The following GANC variants were observed in gnomAD, a reference collection of about 807,000 sequenced individuals.
GANC encodes neutral alpha-glucosidase C.
In GANC, 117 loss-of-function variants were observed where a neutral mutation model predicts 124.2. That is an observed-to-expected ratio of 0.94 (90% CI 0.81 to 1.10). The LOEUF (loss-of-function observed/expected upper bound fraction) is 1.10. Among genes scored for constraint, GANC ranks in the 50% least tolerant of loss-of-function variants. The pLI is 0.00. For synonymous variants in GANC, 377 were observed against 376.8 expected (o/e 1.00, Z -0.01); for missense variants, 1,140 against 1,095.0 (o/e 1.04, Z -0.58).
At chr15:42,278,443 C>G in intron 2 of GANC, 39 bp from the exon 3 acceptor site, 1 of 1,343,222 alleles carries the variant, frequency 7.4e-7, no homozygotes, top group African/African-American at 1.4e-5. Flanking sequence ...CTGACAATCA[C>G]AAATAATTAT....
Position 42,300,360 on chromosome 15 carries a change from A to G in GANC, c.558+2704A>G, listed in dbSNP as rs551504575. On this transcript the variant is annotated intron_variant, in intron 6 of 23. Transcript: ENST00000318010. ...CAACAAACATGAAAAAAAGCTCAAC[A>G]TCACTGATCATCAGAGAAATGCAAA... 1.1e-3 allele frequency among the ~76,000 whole-genome samples: 163 copies of G among 152,360 alleles called. 6 individuals are homozygous for G. The South Asian group carries it at 0.03, about 28-fold the overall frequency.
chr15:42,294,667 A>G (rs2051874353), intron 5 of GANC, among the ~76,000 whole-genome samples: 1 of 150,316 alleles, frequency 6.7e-6, no homozygotes, highest in Admixed American at 6.6e-5. Context: ...ATATTCTTTG[A>G]CTTTTCCTTT....
rs746736958 is a variant in GANC, at chr15:42,327,441, A to G, written c.1499A>G (p.Gln500Arg). 8 of 1,612,332 alleles carry G rather than the reference A, an allele frequency of 5.0e-6. No individual in the cohort carries two copies. The highest frequency in any genetic ancestry group is 4.4e-5 in the South Asian group (4 of 90,884). ...AGTCTTTTTGCTTTCCCTGTTTATC[A>G]GGTTGGTTTTTATTCCTTTGTTCTT... The part of the protein sequence containing the change: ...YSSLFAFPVY[Q>R]GSTDILFLWN... The change falls in exon 13 of 24, where the codon CAG (glutamine) becomes CGG (arginine). Residue 500 changes from glutamine to arginine, a missense_variant and splice_region_variant. Transcript: ENST00000318010.
At chr15:42,329,061 C>G (rs188385230) in intron 13 of GANC, among the ~76,000 whole-genome samples, 1 of 152,282 alleles carries the variant, frequency 6.6e-6, no homozygotes, top group East Asian at 1.9e-4. Flanking sequence ...GGGCAGCATT[C>G]TTTTATTCAG....
chr15:42,315,014 A>G (rs996777124), intron 10 of GANC, among the ~76,000 whole-genome samples: 4 of 152,184 alleles, frequency 2.6e-5, no homozygotes, highest in Non-Finnish European at 5.9e-5. Context: ...ACCTCCAACT[A>G]TTAGGTAATC....
intron 8 of GANC, among the ~76,000 whole-genome samples, chr15:42,309,821 C>A (rs1295769004): frequency 6.6e-6 from 1 of 151,800 alleles, no homozygotes; most frequent in African/African-American, 2.4e-5. Context: ...GAGTTTGAGA[C>A]CAGCCTGGCC....
chr15:42,343,258 A>AT, intron 19 of GANC, 104 bp downstream of exon 19: 7 of 900,722 alleles, frequency 7.8e-6, no homozygotes, highest in Non-Finnish European at 1.2e-5. Context: ...AACACACCCC[A>AT]GATGACTATA....
chr15:42,279,244 A>C (rs1232383570), intron 3 of GANC, among the ~76,000 whole-genome samples: 1 of 152,218 alleles, frequency 6.6e-6, no homozygotes, highest in Non-Finnish European at 1.5e-5. Context: ...CACATTTAGT[A>C]ACCAAAATTT....
At position 42,337,890 on chromosome 15, in the gene GANC, C is replaced by T. The variant is rs1595783041; in HGVS notation, c.1742-499C>T. ...CAGCCTGGCCAACATGGTGAAACCC[C>T]TCTCTGCTAAAAATACAAAATTTAG... On this transcript the variant is annotated intron_variant, in intron 15 of 23. Coordinates refer to ENST00000318010, the MANE Select transcript of GANC (RefSeq NM_198141.3). 3.9e-5 allele frequency among the ~76,000 whole-genome samples: 6 copies of T among 152,152 alleles called. No individual in the cohort carries two copies. The South Asian group carries it at 8.3e-4, about 21-fold the overall frequency.
At chr15:42,288,496 G>C (rs1260093777) in intron 4 of GANC, among the ~76,000 whole-genome samples, 1 of 152,068 alleles carries the variant, frequency 6.6e-6, no homozygotes, top group Non-Finnish European at 1.5e-5. Flanking sequence ...GATTATGCCA[G>C]ATGCTTTCAT....
At chr15:42,288,408 C>T (rs948831826) in intron 4 of GANC, among the ~76,000 whole-genome samples, 2 of 152,266 alleles carry the variant, frequency 1.3e-5, no homozygotes, top group African/African-American at 4.8e-5. Flanking sequence ...TCTCATAACA[C>T]TTTCCAGTGA....
At position 42,340,670 on chromosome 15, in the gene GANC, A is replaced by C; in HGVS notation, c.2088-20A>C. The C allele has an allele frequency of 6.4e-7, 1 of 1,567,822 alleles. No individual in the cohort carries two copies. The highest frequency in any genetic ancestry group is 2.2e-5 in the East Asian group (1 of 44,654). ...AAGATGTCTATAATGTTAAAACAAT[A>C]ATTTTTTTTCTTTCCCCAGGCCTCT... On this transcript the variant is annotated intron_variant, in intron 17 of 23. Coordinates refer to ENST00000318010, the MANE Select transcript of GANC (RefSeq NM_198141.3).
chr15:42,316,819 C>T (rs1303935603), intron 10 of GANC, among the ~76,000 whole-genome samples: 1 of 152,180 alleles, frequency 6.6e-6, no homozygotes, highest in Non-Finnish European at 1.5e-5. Context: ...ACCGCTTGAC[C>T]AAGGAGCCCT....
rs1390252746 is a variant in GANC at position 42,345,794 on chromosome 15, G to T, written c.2266G>T (p.Gly756Ter). Residue 756 changes from glycine to a stop codon, truncating the protein, a stop_gained, in exon 20 of 24, where the codon GGA (glycine) becomes TGA (stop). Transcript: ENST00000318010. LOFTEE classifies it high-confidence loss of function. ...YDYKTFAHWE[G>*]GCTVKIPVAL... ...CTATAAGACATTTGCTCATTGGGAAGGAGGGTGTACTGTAAAGATCCCAGT... is the reference window on the plus strand; with the variant it reads ...CTATAAGACATTTGCTCATTGGGAATGAGGGTGTACTGTAAAGATCCCAGT... The T allele has an allele frequency of 6.2e-7, 1 of 1,612,486 alleles. No individual in the cohort carries two copies. The highest frequency in any genetic ancestry group is 1.1e-5 in the South Asian group (1 of 91,010).
intron 15 of GANC, among the ~76,000 whole-genome samples, chr15:42,334,766 T>C (rs535981272): frequency 3.6e-5 from 4 of 111,706 alleles, no homozygotes; most frequent in African/African-American, 1.2e-4. Flanking sequence ...GAAAAAAAAA[T>C]AATAATAACA....
At chr15:42,300,802 T>G (rs1045181518) in intron 6 of GANC, among the ~76,000 whole-genome samples, 6 of 152,120 alleles carry the variant, frequency 3.9e-5, no homozygotes, top group Non-Finnish European at 7.4e-5. Context: ...GTGGATCACC[T>G]GAGGTTGGGA....
At chr15:42,340,650 G>A (rs2052322549) in intron 17 of GANC, 40 bp from the exon 18 acceptor site, 1 of 1,370,742 alleles carries the variant, frequency 7.3e-7, no homozygotes, top group Non-Finnish European at 1.0e-6. Context: ...GCAATAAGAT[G>A]TCTATAATGT....
rs1005406061 is a variant in GANC, at chr15:42,353,641, T to A, written c.*1502T>A. The A allele has an allele frequency of 7.1e-6, 7 of 985,486 alleles. No homozygotes were observed. The African/African-American group carries it at 1.0e-4, about 15-fold the overall frequency. The allele number at this position is 985,486 out of a possible 1,614,324, so 61.0% of individuals were successfully genotyped here. A position where few individuals can be genotyped will look rare whatever the true frequency, so the allele number is the denominator to read the frequency against. ...TGATTAGTTAGCTGGTGGATTTAATTGATTAAAAAATTACGATTGAATGTA... is the reference window on the plus strand; with the variant it reads ...TGATTAGTTAGCTGGTGGATTTAATAGATTAAAAAATTACGATTGAATGTA... On this transcript the variant is annotated 3_prime_UTR_variant, in exon 24 of 24. Transcript: ENST00000318010.
At position 42,280,884 on chromosome 15, in the gene GANC, G is replaced by C. The variant is rs1410508430; in HGVS notation, c.201+2294G>C. 4.3e-6 allele frequency: 3 copies of C among 690,678 alleles called. No individual in the cohort carries two copies. The Admixed American group carries it at 6.4e-5, about 15-fold the overall frequency. The allele number at this position is 690,678 out of a possible 1,614,324, so 42.8% of individuals were successfully genotyped here. ...TACTGTAGATCAGTTTCTCTTTTTG[G>C]ATCCTGAAAAAGTGAGGAACAATGC... On this transcript the variant is annotated intron_variant, in intron 3 of 23. Transcript: ENST00000318010.
Sources: allele counts gnomAD v4.1 joint callset (sites outside exome capture counted in the v4.1 genomes callset), GRCh38; gene constraint gnomAD v4.1.1; transcripts MANE v1.5; gene names NCBI Gene and HGNC (gene_info 2026-07-23, HGNC 2026-07-21).